Variants in BLTP3A observed in about 807,000 individuals in gnomAD.
BLTP3A encodes bridge-like lipid transfer protein family member 3A, also known as ICBP90 binding protein 1.
the BLTP3A span, chr6:34,867,691 C>T: frequency 6.6e-7 from 1 of 1,515,838 alleles, no homozygotes; most frequent in Non-Finnish European, 8.8e-7. Flanking sequence ...GTACTTGTCA[C>T]TGTGCTCTAA....
chr6:34,870,154 TTTTGTTTG>T, the BLTP3A span, among the ~76,000 whole-genome samples: 1 of 152,166 alleles, frequency 6.6e-6, no homozygotes, highest in Non-Finnish European at 1.5e-5. Context: ...TATTTCTAGT[TTTTGTTTG>T]TTTGTTTGTT....
the BLTP3A span, among the ~76,000 whole-genome samples, chr6:34,795,384 T>C: frequency 6.6e-6 from 1 of 150,730 alleles, no homozygotes; most frequent in East Asian, 2.0e-4. Flanking sequence ...AGCCTGAACA[T>C]ACAGTTTTTT....
chr6:34,845,377 C>A, the BLTP3A span, among the ~76,000 whole-genome samples: 1 of 151,990 alleles, frequency 6.6e-6, no homozygotes, highest in Non-Finnish European at 1.5e-5. Flanking sequence ...GTTCCATGTA[C>A]ATTTTAGGAT....
the BLTP3A span, among the ~76,000 whole-genome samples, chr6:34,822,477 G>C: frequency 6.6e-6 from 1 of 152,232 alleles, no homozygotes; most frequent in East Asian, 1.9e-4. Context: ...AACCTCAGGT[G>C]ATCCACCCGT....
At chr6:34,858,062 A>G in the BLTP3A span, 1 of 1,577,908 alleles carries the variant, frequency 6.3e-7, no homozygotes, top group East Asian at 2.2e-5. Flanking sequence ...ATGTGTATTA[A>G]TAGTGGGATG....
At chr6:34,869,640 CTT>C in the BLTP3A span, among the ~76,000 whole-genome samples, 26 of 81,508 alleles carry the variant, frequency 3.2e-4, no homozygotes, top group East Asian at 4.2e-3. Context: ...ACATACACCA[CTT>C]TTTTTTTTTT....
chr6:34,838,303 C>T, the BLTP3A span, among the ~76,000 whole-genome samples: 2 of 151,900 alleles, frequency 1.3e-5, no homozygotes, highest in African/African-American at 4.8e-5. Flanking sequence ...AAACAAACAC[C>T]CAAAGAGACT....
chr6:34,820,308 T>G, the BLTP3A span, among the ~76,000 whole-genome samples: 1 of 152,142 alleles, frequency 6.6e-6, no homozygotes, highest in Non-Finnish European at 1.5e-5. Context: ...GGTCCTTTCC[T>G]AGGAAGGAGC....
At chr6:34,832,459 A>G in the BLTP3A span, among the ~76,000 whole-genome samples, 1 of 148,950 alleles carries the variant, frequency 6.7e-6, no homozygotes, top group African/African-American at 2.5e-5. Flanking sequence ...TTTCTGAGAC[A>G]GGGTCTGACT....
the BLTP3A span, chr6:34,863,978 G>GTTTT: frequency 3.4e-6 from 5 of 1,477,836 alleles, no homozygotes; most frequent in African/African-American, 3.0e-5. Flanking sequence ...CACATTTGTG[G>GTTTT]TTTTTGTTTT....
the BLTP3A span, among the ~76,000 whole-genome samples, chr6:34,826,236 G>A: frequency 6.6e-6 from 1 of 151,816 alleles, no homozygotes; most frequent in African/African-American, 2.4e-5. Flanking sequence ...TGGCCAGGCT[G>A]GTCTCGAATT....
the BLTP3A span, among the ~76,000 whole-genome samples, chr6:34,845,698 G>A: frequency 1.3e-5 from 2 of 152,024 alleles, no homozygotes; most frequent in African/African-American, 2.4e-5. Context: ...CCAGGTTCAC[G>A]CCATTCTCCT....
chr6:34,811,681 C>T, the BLTP3A span, among the ~76,000 whole-genome samples: 3 of 114,090 alleles, frequency 2.6e-5, no homozygotes, highest in African/African-American at 4.1e-5. Context: ...GAGACCCCCC[C>T]CCCCGCATCT....
the BLTP3A span, chr6:34,867,073 T>A: frequency 1.2e-6 from 1 of 836,594 alleles, no homozygotes; most frequent in Admixed American, 3.5e-5. Flanking sequence ...TTCCTTAAAT[T>A]CATCAAATAT....
At chr6:34,814,047 C>T in the BLTP3A span, among the ~76,000 whole-genome samples, 4 of 147,712 alleles carry the variant, frequency 2.7e-5, no homozygotes, top group African/African-American at 5.0e-5. Flanking sequence ...GACAGAGTCT[C>T]GCTATGTCGC....
chr6:34,805,640 G>A, the BLTP3A span, among the ~76,000 whole-genome samples: 1 of 142,114 alleles, frequency 7.0e-6, no homozygotes, highest in Non-Finnish European at 1.5e-5. Context: ...GTGCATGCCT[G>A]TATTCTCAGC....
chr6:34,810,369 A>G, the BLTP3A span, among the ~76,000 whole-genome samples: 2 of 152,248 alleles, frequency 1.3e-5, no homozygotes, highest in Non-Finnish European at 2.9e-5. Flanking sequence ...CATGATTCAC[A>G]TCATACAACG....
chr6:34,826,333 A>G, the BLTP3A span, among the ~76,000 whole-genome samples: 8 of 147,034 alleles, frequency 5.4e-5, no homozygotes, highest in Admixed American at 2.0e-4. Flanking sequence ...ACATGCTTTT[A>G]CATGTTACAT....
chr6:34,832,137 T>A, the BLTP3A span, among the ~76,000 whole-genome samples: 1 of 150,922 alleles, frequency 6.6e-6, no homozygotes, highest in East Asian at 1.9e-4. Context: ...TTTTTTTTTT[T>A]AAGACAAGGT....
Sources: allele counts gnomAD v4.1 joint callset (sites outside exome capture counted in the v4.1 genomes callset), GRCh38; gene constraint gnomAD v4.1.1; transcripts MANE v1.5; gene names NCBI Gene and HGNC (gene_info 2026-07-23, HGNC 2026-07-21).